WWC1: variants seen among roughly 807,000 people sequenced by gnomAD.
WWC1 encodes the protein protein KIBRA.
A neutral mutation model predicts 138.4 loss-of-function variants in WWC1; 55 were observed. That is an observed-to-expected ratio of 0.40 (90% CI 0.32 to 0.50). The LOEUF (loss-of-function observed/expected upper bound fraction) is 0.50, where lower values mean the gene tolerates loss of function less well. Ranked by LOEUF, WWC1 falls within the 20% of genes least tolerant of loss-of-function variation. The probability of loss-of-function intolerance (pLI) is 0.72; values close to 1 mark genes in which losing one functional copy is unlikely to be tolerated. For synonymous variants in WWC1, 524 were observed against 564.9 expected (o/e 0.93, Z 1.03); for missense variants, 1,226 against 1,420.4 (o/e 0.86, Z 2.20).
intron 1 of WWC1, among the ~76,000 whole-genome samples, chr5:168,330,043 G>A (rs915344738): frequency 3.3e-5 from 5 of 152,202 alleles, no homozygotes; most frequent in Non-Finnish European, 7.3e-5. Flanking sequence ...CCGGGAGGTG[G>A]AGGCTGCAGT....
intron 5 of WWC1, among the ~76,000 whole-genome samples, chr5:168,405,927 A>T (rs1411208833): frequency 1.3e-5 from 2 of 151,840 alleles, no homozygotes; most frequent in African/African-American, 4.8e-5. Flanking sequence ...GGGTTTCACC[A>T]TGTTGCTCAA....
chr5:168,348,880 G>C (rs148107391), intron 1 of WWC1, among the ~76,000 whole-genome samples: 137 of 152,090 alleles, frequency 9.0e-4, no homozygotes, highest in African/African-American at 3.3e-3. Flanking sequence ...GTTCCTGAGT[G>C]GTCTGAAAAT....
rs543531491 is a variant in WWC1, at chr5:168,353,477, C to T, written c.120-17947C>T. ...GCCACTCCTGGCATCAGCCTGCCGT[C>T]GTCTTGCCAACCCTCCACCTCTCTC... On this transcript the variant is annotated intron_variant, in intron 1 of 22. Coordinates refer to ENST00000265293, the MANE Select transcript of WWC1 (RefSeq NM_015238.3). Among the ~76,000 whole-genome samples, 459 of 152,366 alleles carry T rather than the reference C, an allele frequency of 3.0e-3. 1 individual carries two copies. Among genetic ancestry groups the T allele is most frequent in the South Asian group, 5.4e-3 (26 of 4,830 alleles).
intron 3 of WWC1, among the ~76,000 whole-genome samples, chr5:168,394,182 A>G (rs1280602334): frequency 6.6e-6 from 1 of 152,164 alleles, no homozygotes; most frequent in Admixed American, 6.5e-5. Context: ...CCGAAAACAG[A>G]AAAGATCAAG....
At chr5:168,337,220 A>T (rs1223785568) in intron 1 of WWC1, among the ~76,000 whole-genome samples, 1 of 152,176 alleles carries the variant, frequency 6.6e-6, no homozygotes, top group South Asian at 2.1e-4. Context: ...CCACTGGTAC[A>T]CGTAGTGGGG....
At chr5:168,401,999 T>G (rs996209091) in intron 5 of WWC1, among the ~76,000 whole-genome samples, 2 of 152,252 alleles carry the variant, frequency 1.3e-5, no homozygotes, top group African/African-American at 2.4e-5. Context: ...CTCTGCTTCC[T>G]GGCTACTGCA....
chr5:168,403,077 T>TCTCTCTTTCTTTCTTTCTTC lies in WWC1; in HGVS notation c.591-3119_591-3118insCTCTTTCTTTCTTTCTTCCT, dbSNP rs1561712555. On this transcript the variant is annotated intron_variant, in intron 5 of 22. Coordinates refer to ENST00000265293, the MANE Select transcript of WWC1 (RefSeq NM_015238.3). ...TTCTTTCTTTCTTTCTTTCTTTCTT[T>TCTCTCTTTCTTTCTTTCTTC]CTTTTCTTTCTTTTCTTTCTTTCTT... Among the ~76,000 whole-genome samples the TCTCTCTTTCTTTCTTTCTTC allele has an allele frequency of 3.8e-3, 513 of 135,774 alleles. 7 individuals are homozygous for TCTCTCTTTCTTTCTTTCTTC. Among genetic ancestry groups the TCTCTCTTTCTTTCTTTCTTC allele is most frequent in the Non-Finnish European group, 3.9e-3 (241 of 62,496 alleles). 89.1% of individuals were successfully genotyped at this position (135,774 alleles called of 152,430 possible).
chr5:168,310,757 G>A (rs905303420), intron 1 of WWC1, among the ~76,000 whole-genome samples: 3 of 151,556 alleles, frequency 2.0e-5, no homozygotes, highest in African/African-American at 7.3e-5. Flanking sequence ...AGGATCACTT[G>A]GACCCAGGGG....
intron 19 of WWC1, among the ~76,000 whole-genome samples, chr5:168,459,555 C>A (rs1756622720): frequency 6.6e-6 from 1 of 152,148 alleles, no homozygotes; most frequent in Non-Finnish European, 1.5e-5. Context: ...TTAAATGAAA[C>A]TGTCACTGAA....
intron 6 of WWC1, among the ~76,000 whole-genome samples, chr5:168,406,762 A>G (rs1432771132): frequency 4.6e-5 from 7 of 151,890 alleles, no homozygotes; most frequent in Non-Finnish European, 1.0e-4. Context: ...TAACACGGAG[A>G]AACCCCGTCT....
intron 22 of WWC1, among the ~76,000 whole-genome samples, 177 bp downstream of exon 22, chr5:168,468,141 T>G (rs114014940): frequency 0.018 from 2,697 of 152,366 alleles, 76 homozygotes; most frequent in African/African-American, 0.062. Flanking sequence ...GCAGCGCTCT[T>G]CCCTTGGCTG....
At chr5:168,330,443 G>A (rs1387153469) in intron 1 of WWC1, among the ~76,000 whole-genome samples, 1 of 152,172 alleles carries the variant, frequency 6.6e-6, no homozygotes, top group Non-Finnish European at 1.5e-5. Flanking sequence ...ATAAAATGGA[G>A]CTAACAATAG....
At chr5:168,322,985 A>G (rs954979654) in intron 1 of WWC1, among the ~76,000 whole-genome samples, 2 of 152,266 alleles carry the variant, frequency 1.3e-5, no homozygotes, top group African/African-American at 4.8e-5. Flanking sequence ...CCAACAGTAG[A>G]AAAGGTACTC....
chr5:168,409,661 C>CTGCAAGATGAT lies in WWC1; in HGVS notation c.868-260_868-250dup, dbSNP rs570197976. 3.4e-3 allele frequency among the ~76,000 whole-genome samples: 513 copies of CTGCAAGATGAT among 152,314 alleles called. 2 individuals carry two copies. The highest frequency in any genetic ancestry group is 0.011 in the African/African-American group (467 of 41,566). On this transcript the variant is annotated intron_variant, in intron 7 of 22. Transcript: ENST00000265293. The stretch of plus-strand genomic sequence containing the variant: ...GGGCACCAAGCCAAGCCATTTGGGG[C>CTGCAAGATGAT]TGCAAGATGATATTCTGGGCTTTTG...
In WWC1 at chr5:168,399,470, T is replaced by G. The variant is rs1034463005; in HGVS notation, c.511-18T>G. 1.2e-6 allele frequency: 2 copies of G among 1,613,858 alleles called. No homozygotes were observed. The highest frequency in any genetic ancestry group is 2.7e-5 in the African/African-American group (2 of 74,926). Reference sequence around the variant, plus strand: ...TCAGCCTCTGACCCAGCCCTGTGTGTGGTCTGCTGCCCTCCAGGTCAACAA... The same window carrying G: ...TCAGCCTCTGACCCAGCCCTGTGTGGGGTCTGCTGCCCTCCAGGTCAACAA... On this transcript the variant is annotated intron_variant, in intron 4 of 22. Transcript: ENST00000265293.
In WWC1 at chr5:168,399,504, G is replaced by C. The variant is rs141904519; in HGVS notation, c.527G>C (p.Arg176Thr). ...TAKSRVNKLK[R>T]EMVHLQHELQ... ...GCCCTCCAGGTCAACAAGCTGAAGA[G>C]AGAGATGGTTCACCTCCAGCACGAG... Residue 176 changes from arginine to threonine, a missense_variant, in exon 5 of 23, where the codon AGA becomes ACA. Transcript: ENST00000265293. 3 of 1,614,066 alleles carry C rather than the reference G, an allele frequency of 1.9e-6. No individual in the cohort carries two copies. The African/African-American group carries it at 4.0e-5, about 22-fold the overall frequency.
intron 1 of WWC1, among the ~76,000 whole-genome samples, chr5:168,342,833 A>G (rs866865854): frequency 1.3e-5 from 2 of 152,196 alleles, no homozygotes; most frequent in Non-Finnish European, 2.9e-5. Flanking sequence ...AACAGACCCC[A>G]TACTGTGGAC....
chr5:168,297,425 G>A (rs573094742), intron 1 of WWC1, among the ~76,000 whole-genome samples: 31 of 152,032 alleles, frequency 2.0e-4, no homozygotes, highest in Non-Finnish European at 4.0e-4. Flanking sequence ...TCAGGAGTTC[G>A]AGACCAGCCT....
chr5:168,402,247 T>C (rs1400676210), intron 5 of WWC1, among the ~76,000 whole-genome samples: 1 of 152,234 alleles, frequency 6.6e-6, no homozygotes, highest in Non-Finnish European at 1.5e-5. Context: ...AGCTGGGCTC[T>C]GCGTCCAGTG....
Sources: gnomAD v4.1 joint callset for allele counts (sites outside exome capture counted in the v4.1 genomes callset) on GRCh38, gnomAD v4.1.1 for gene constraint, MANE v1.5 for transcripts, NCBI Gene and HGNC (gene_info 2026-07-23, HGNC 2026-07-21) for gene names.